Variants in CMIP observed in about 807,000 individuals in gnomAD.
The protein encoded by CMIP is C-Maf-inducing protein.
CMIP carries 13 observed loss-of-function variants against 97.3 expected under a neutral mutation model. The ratio of observed to expected loss-of-function variants is 0.13; its 90% CI spans 0.09 to 0.21. CMIP has a LOEUF of 0.21. Among genes scored for constraint, CMIP ranks in the 10% least tolerant of loss-of-function variants. The pLI, the probability that CMIP is intolerant of heterozygous loss-of-function variation, is 1.00. For missense variants in CMIP, 847 were observed against 1,024.9 expected, an observed-to-expected ratio of 0.83 and a Z score of 2.37; for synonymous variants, 538 against 436.3, an observed-to-expected ratio of 1.23 and a Z score of -2.91.
At chr16:81,604,524 C>A (rs1012228553) in intron 1 of CMIP, among the ~76,000 whole-genome samples, 1 of 151,768 alleles carries the variant, frequency 6.6e-6, no homozygotes, top group African/African-American at 2.4e-5. Flanking sequence ...ATGGTGAAAC[C>A]CCATCTCTAC....
chr16:81,534,394 A>G (rs1447434439), intron 1 of CMIP, among the ~76,000 whole-genome samples: 1 of 152,138 alleles, frequency 6.6e-6, no homozygotes, highest in Admixed American at 6.5e-5. Flanking sequence ...TTAAAAAAAG[A>G]TTGTAAGGGT....
intron 1 of CMIP, among the ~76,000 whole-genome samples, chr16:81,590,124 G>A (rs986273541): frequency 5.3e-5 from 8 of 152,174 alleles, no homozygotes; most frequent in Non-Finnish European, 7.4e-5. Flanking sequence ...AAGAGAGGCA[G>A]CCCTGTCTGC....
intron 1 of CMIP, among the ~76,000 whole-genome samples, chr16:81,581,162 C>G (rs943187147): frequency 6.6e-6 from 1 of 152,194 alleles, no homozygotes. Flanking sequence ...ATTTTTCTTT[C>G]TTATCCATTC....
chr16:81,449,436 A>G lies in CMIP; in HGVS notation c.300+3895A>G, dbSNP rs11648836. ...TTTAGCACAGGCTTACTGCATGCCT[A>G]CTGTGTGTCACTTGCTGAGCTAAGA... On this transcript the variant is annotated intron_variant, in intron 1 of 20. Coordinates refer to ENST00000537098, the MANE Select transcript of CMIP (RefSeq NM_198390.3). Among the ~76,000 whole-genome samples, 686 of 152,340 alleles carry G rather than the reference A, an allele frequency of 4.5e-3. 2 individuals carry two copies. The highest frequency in any genetic ancestry group is 6.7e-3 in the Non-Finnish European group (454 of 68,032).
chr16:81,587,183 A>T (rs182815826), intron 1 of CMIP, among the ~76,000 whole-genome samples: 106 of 152,172 alleles, frequency 7.0e-4, no homozygotes, highest in African/African-American at 2.4e-3. Context: ...AACCTGCATG[A>T]CTCATTACCA....
At chr16:81,696,937 T>C in intron 14 of CMIP, 2 of 517,494 alleles carry the variant, frequency 3.9e-6, no homozygotes, top group South Asian at 4.8e-5. Context: ...CACATGTCAT[T>C]GCCCCATTTT....
chr16:81,645,459 C>T (rs1304593502), intron 3 of CMIP: 5 of 1,526,214 alleles, frequency 3.3e-6, no homozygotes, highest in Non-Finnish European at 4.4e-6. Context: ...AGTCACTCCT[C>T]TCCTGGCAAG....
chr16:81,508,782 G>C (rs1227523217), intron 1 of CMIP, among the ~76,000 whole-genome samples: 1 of 152,232 alleles, frequency 6.6e-6, no homozygotes, highest in African/African-American at 2.4e-5. Flanking sequence ...AGAATGATCT[G>C]ATCATGCCTG....
intron 1 of CMIP, among the ~76,000 whole-genome samples, chr16:81,498,981 T>C (rs1238978425): frequency 6.6e-6 from 1 of 152,232 alleles, no homozygotes; most frequent in African/African-American, 2.4e-5. Flanking sequence ...ATCTGAGTGC[T>C]TTACAAATTC....
chr16:81,689,359 G>A (rs1374438863), intron 10 of CMIP, among the ~76,000 whole-genome samples: 4 of 152,184 alleles, frequency 2.6e-5, no homozygotes, highest in South Asian at 2.1e-4. Context: ...TCTAACTGGT[G>A]TGAGATGGTA....
intron 17 of CMIP, among the ~76,000 whole-genome samples, chr16:81,703,455 A>G (rs139445256): frequency 6.0e-4 from 92 of 152,142 alleles, no homozygotes; most frequent in Non-Finnish European, 1.1e-3. Flanking sequence ...AGCCAGTCAC[A>G]CACCCTGATG....
chr16:81,564,009 C>G (rs77831008), intron 1 of CMIP, among the ~76,000 whole-genome samples: 2 of 152,272 alleles, frequency 1.3e-5, no homozygotes, highest in African/African-American at 4.8e-5. Context: ...AGCCCAGGGC[C>G]AGTAGGCCAG....
At chr16:81,623,677 C>G (rs1395970100) in intron 3 of CMIP, among the ~76,000 whole-genome samples, 1 of 152,158 alleles carries the variant, frequency 6.6e-6, no homozygotes, top group Non-Finnish European at 1.5e-5. Context: ...TTTAAAATGG[C>G]AAAGAAACGT....
At chr16:81,509,313 T>C (rs964981029) in intron 1 of CMIP, among the ~76,000 whole-genome samples, 4 of 152,192 alleles carry the variant, frequency 2.6e-5, no homozygotes, top group African/African-American at 4.8e-5. Flanking sequence ...ACCGGAATGA[T>C]GCTGATGTGC....
chr16:81,704,179 CAGCCTCCTCCCTGCCCCCTCCCCCTCCTT>C, intron 18 of CMIP, 94 bp downstream of exon 18: 1 of 1,081,998 alleles, frequency 9.2e-7, no homozygotes, highest in Non-Finnish European at 1.3e-6. Context: ...CCTTTCCCCT[CAGCCTCCTCCCTGCCCCCTCCCCCTCCTT>C]CCTGCCCCCT....
chr16:81,532,865 A>G (rs2925984), intron 1 of CMIP, among the ~76,000 whole-genome samples: 6,096 of 152,264 alleles, frequency 0.04, 186 homozygotes, highest in African/African-American at 0.083. Flanking sequence ...CCCAGACAGC[A>G]TGGCAAGTGA....
chr16:81,580,390 C>T (rs1174735016), intron 1 of CMIP, among the ~76,000 whole-genome samples: 1 of 152,044 alleles, frequency 6.6e-6, no homozygotes, highest in East Asian at 1.9e-4. Flanking sequence ...AAATTGCCCA[C>T]TTAATTTATT....
intron 18 of CMIP, among the ~76,000 whole-genome samples, chr16:81,705,016 T>G (rs1377655017): frequency 3.3e-5 from 5 of 152,064 alleles, no homozygotes; most frequent in Non-Finnish European, 2.9e-5. Flanking sequence ...CCCAGCTCAG[T>G]GTGAACTGCA....
intron 10 of CMIP, among the ~76,000 whole-genome samples, chr16:81,689,280 T>C (rs371228342): frequency 6.6e-6 from 1 of 152,338 alleles, no homozygotes; most frequent in East Asian, 1.9e-4. Flanking sequence ...ACCAACAGTG[T>C]AAAAGTGTTC....
Sources: gnomAD v4.1 joint callset for allele counts (sites outside exome capture counted in the v4.1 genomes callset) on GRCh38, gnomAD v4.1.1 for gene constraint, MANE v1.5 for transcripts, NCBI Gene and HGNC (gene_info 2026-07-23, HGNC 2026-07-21) for gene names.